The following PLCB4 variants were observed in gnomAD, a reference collection of about 807,000 sequenced individuals.
The protein encoded by PLCB4 is phospholipase C beta 4, also known as 1-phosphatidylinositol 4,5-bisphosphate phosphodiesterase beta-4.
PLCB4 carries 77 observed loss-of-function variants against 178.8 expected under a neutral mutation model. That is an observed-to-expected ratio of 0.43 (90% CI 0.36 to 0.52). The LOEUF is 0.52. Ranked by LOEUF, PLCB4 falls within the 20% of genes least tolerant of loss-of-function variation. The pLI is 0.00. For missense variants in PLCB4, 1,024 were observed against 1,453.4 expected (o/e 0.70, Z 4.80); for synonymous variants, 496 against 490.8 (o/e 1.01, Z -0.14).
chr20:9,434,727 T>G lies in PLCB4; in HGVS notation c.2525-833T>G, dbSNP rs572360480. On this transcript the variant is annotated intron_variant, in intron 28 of 39. Transcript: ENST00000378473. ...TATAAAAAGGAAAAGAAAAAAAAAT[T>G]GAAACCTAGAGAATTATGTGCCCCG... 1.2e-3 allele frequency among the ~76,000 whole-genome samples: 182 copies of G among 152,240 alleles called. 5 individuals carry two copies. In the South Asian group the frequency reaches 0.035, roughly 29 times the overall value.
At chr20:9,109,375 T>C (rs916523522) in intron 2 of PLCB4, among the ~76,000 whole-genome samples, 6 of 152,090 alleles carry the variant, frequency 3.9e-5, no homozygotes, top group Non-Finnish European at 7.4e-5. Flanking sequence ...TTTAGCAGTC[T>C]CCCTATTTGA....
Position 9,401,369 on chromosome 20 carries a change from C to G in PLCB4, c.1511-121C>G, listed in dbSNP as rs1378073142. 6 of 664,942 alleles carry G rather than the reference C, an allele frequency of 9.0e-6. No individual in the cohort carries two copies. The African/African-American group carries it at 1.1e-4, about 12-fold the overall frequency. 41.2% of individuals were successfully genotyped at this position (664,942 alleles called of 1,614,324 possible). A position where few individuals can be genotyped will look rare whatever the true frequency, so the allele number is the denominator to read the frequency against. ...AAAAATACTGCATATATCAATGTCC[C>G]CATTTTCTTTTAGCATCCTTTTTCT... On this transcript the variant is annotated intron_variant, in intron 19 of 39. Transcript: ENST00000378473.
At chr20:9,128,344 C>T (rs1469523461) in intron 2 of PLCB4, among the ~76,000 whole-genome samples, 1 of 152,156 alleles carries the variant, frequency 6.6e-6, no homozygotes, top group Non-Finnish European at 1.5e-5. Flanking sequence ...TTAAACCTTT[C>T]TTTATAAATT....
chr20:9,228,939 C>T (rs1050824836), intron 3 of PLCB4, among the ~76,000 whole-genome samples: 2 of 152,156 alleles, frequency 1.3e-5, no homozygotes, highest in South Asian at 2.1e-4. Flanking sequence ...AGGCCTGACT[C>T]GGGCCAGCCA....
chr20:9,198,092 A>G (rs1319412389), intron 2 of PLCB4, among the ~76,000 whole-genome samples: 12 of 152,250 alleles, frequency 7.9e-5, no homozygotes, highest in Admixed American at 7.8e-4. Flanking sequence ...GAGCAAGTTA[A>G]CTGAATTCCT....
Position 9,389,882 on chromosome 20 carries a change from G to A in PLCB4, c.1162G>A (p.Val388Ile). Residue 388 changes from valine to isoleucine, a missense_variant, in exon 16 of 40, where the codon GTA becomes ATA. Val to Ile is a conservative substitution (Grantham distance 29, BLOSUM62 3). Around this residue, in one of 7 missense-constraint regions of PLCB4, gnomAD observed 263 missense variants for 417.4 expected, o/e 0.63. Transcript: ENST00000378473. ...AMCTDILFKD[V>I]IQAIKETAFV... ...ACGTTTTTTTTTGTTTTTAAAGGAT[G>A]TAATTCAAGCCATCAAGGAAACTGC... The A allele has an allele frequency of 4.6e-6, 7 of 1,537,412 alleles. No homozygotes were observed. Among genetic ancestry groups the A allele is most frequent in the Non-Finnish European group, 5.4e-6 (6 of 1,117,748 alleles).
chr20:9,256,684 G>T (rs2094239759), intron 3 of PLCB4, among the ~76,000 whole-genome samples: 2 of 152,200 alleles, frequency 1.3e-5, no homozygotes, highest in Non-Finnish European at 2.9e-5. Context: ...CTCCCTTGAG[G>T]AACATATCTT....
chr20:9,283,516 C>T (rs998747370), intron 3 of PLCB4, among the ~76,000 whole-genome samples: 1 of 151,860 alleles, frequency 6.6e-6, no homozygotes, highest in Non-Finnish European at 1.5e-5. Context: ...TTTATAGTCT[C>T]GAACATTACA....
chr20:9,300,806 C>A (rs145764787), intron 3 of PLCB4, among the ~76,000 whole-genome samples: 4 of 152,104 alleles, frequency 2.6e-5, no homozygotes, highest in African/African-American at 9.7e-5. Flanking sequence ...CTTTTTAGTT[C>A]TTTTAAGAAA....
At chr20:9,140,554 G>A (rs1469786467) in intron 2 of PLCB4, among the ~76,000 whole-genome samples, 1 of 151,858 alleles carries the variant, frequency 6.6e-6, no homozygotes, top group South Asian at 2.1e-4. Context: ...GGGGCCTGGT[G>A]GGAGGTATTT....
At chr20:9,130,322 C>T (rs1208135031) in intron 2 of PLCB4, among the ~76,000 whole-genome samples, 2 of 152,182 alleles carry the variant, frequency 1.3e-5, no homozygotes, top group Non-Finnish European at 2.9e-5. Flanking sequence ...CTAAAAACTG[C>T]AGCCAGCTTC....
At chr20:9,255,416 C>T (rs2094223407) in intron 3 of PLCB4, among the ~76,000 whole-genome samples, 1 of 152,002 alleles carries the variant, frequency 6.6e-6, no homozygotes, top group Non-Finnish European at 1.5e-5. Flanking sequence ...TTGAGTTGAA[C>T]ATTCCATGGT....
chr20:9,456,607 T>C (rs1024676232), intron 33 of PLCB4, among the ~76,000 whole-genome samples: 1 of 152,212 alleles, frequency 6.6e-6, no homozygotes, highest in African/African-American at 2.4e-5. Flanking sequence ...TTGTCTAGAA[T>C]TAAGTCACGG....
intron 1 of PLCB4, among the ~76,000 whole-genome samples, chr20:9,082,547 T>C (rs1206085886): frequency 2.6e-5 from 4 of 152,228 alleles, no homozygotes. Context: ...CGAAAAGTGC[T>C]AAGTATGTTA....
At chr20:9,365,535 G>C in intron 9 of PLCB4, 21 bp downstream of exon 9, 1 of 1,520,180 alleles carries the variant, frequency 6.6e-7, no homozygotes, top group Non-Finnish European at 9.1e-7. Context: ...ATTCCTATCT[G>C]CTGTCCGTGT....
At chr20:9,374,259 G>A (rs184158063) in intron 12 of PLCB4, among the ~76,000 whole-genome samples, 6 of 152,172 alleles carry the variant, frequency 3.9e-5, no homozygotes, top group African/African-American at 9.6e-5. Flanking sequence ...ATAATCCTTC[G>A]TGTACAATAC....
intron 26 of PLCB4, among the ~76,000 whole-genome samples, chr20:9,420,814 T>TGAG (rs1238810772): frequency 6.6e-6 from 1 of 152,208 alleles, no homozygotes; most frequent in African/African-American, 2.4e-5. Flanking sequence ...ATTATAAAAC[T>TGAG]GTCCTAGCTG....
rs543385598 is a variant in PLCB4 at position 9,116,586 on chromosome 20, C to T, written c.-79+20244C>T. On this transcript the variant is annotated intron_variant, in intron 2 of 39. Transcript: ENST00000378473. ...GACATCTGCCCTTAGGCTGTAGGAG[C>T]CTCGGTTGCCTTCCCTAATCTCAGC... Among the ~76,000 whole-genome samples the T allele has an allele frequency of 4.6e-5, 7 of 152,264 alleles. No homozygotes were observed. In the South Asian group the frequency reaches 1.5e-3, roughly 32 times the overall value.
intron 4 of PLCB4, among the ~76,000 whole-genome samples, chr20:9,313,513 T>A (rs1365093480): frequency 6.6e-6 from 1 of 152,122 alleles, no homozygotes; most frequent in African/African-American, 2.4e-5. Context: ...AATTTCAAAT[T>A]TGGAGTTGGG....
Sources: allele counts gnomAD v4.1 joint callset (sites outside exome capture counted in the v4.1 genomes callset), GRCh38; gene constraint gnomAD v4.1.1; regional missense constraint gnomAD v4.1.1; transcripts MANE v1.5; gene names NCBI Gene and HGNC (gene_info 2026-07-23, HGNC 2026-07-21).